MADD: variants seen among roughly 807,000 people sequenced by gnomAD.
MADD encodes the protein MAP kinase-activating death domain protein.
A neutral mutation model predicts 176.7 loss-of-function variants in MADD; 109 were observed. The ratio of observed to expected loss-of-function variants is 0.62; its 90% CI spans 0.53 to 0.72. The LOEUF (loss-of-function observed/expected upper bound fraction) is 0.72. MADD is among the 30% of genes least tolerant of loss of function. The probability of loss-of-function intolerance (pLI) is 0.00; values close to 1 mark genes in which losing one functional copy is unlikely to be tolerated. For missense variants in MADD, 1,914 were observed against 2,045.5 expected, an observed-to-expected ratio of 0.94 and a Z score of 1.24; for synonymous variants, 771 against 771.3, an observed-to-expected ratio of 1.00 and a Z score of 0.01.
intron 20 of MADD, 72 bp from the exon 23 acceptor site, chr11:47,295,424 A>T: frequency 8.1e-7 from 1 of 1,235,948 alleles, no homozygotes; most frequent in Non-Finnish European, 1.2e-6. Context: ...AGAAAGAAAA[A>T]GGTACAGTAT....
chr11:47,284,158 T>C lies in MADD; in HGVS notation c.1863-20T>C, dbSNP rs766704704. The C allele has an allele frequency of 3.2e-6, 5 of 1,560,880 alleles. No homozygotes were observed. The highest frequency in any genetic ancestry group is 4.4e-6 in the Non-Finnish European group (5 of 1,131,636). On this transcript the variant is annotated intron_variant, in intron 10 of 32. Coordinates refer to ENST00000402192, the Ensembl canonical transcript of MADD. ...TGCCCCTTTCTGTTTTGTTTGTTTT[T>C]TATGCACTTCACTCTGCAGTGGCAG...
intron 22 of MADD, among the ~76,000 whole-genome samples, chr11:47,300,453 C>CA (rs1237802886): frequency 1.3e-4 from 16 of 127,796 alleles, no homozygotes; most frequent in Admixed American, 1.1e-3. Flanking sequence ...GTGATCTACC[C>CA]CCCGCCCGCC....
At chr11:47,329,251 C>T (rs751263519) in exon 33 of MADD, 12 of 884,416 alleles carry the variant, frequency 1.4e-5, no homozygotes, top group African/African-American at 6.5e-5. Flanking sequence ...GGATGATGCT[C>T]GTGTGTCCTC....
chr11:47,309,517 C>T, exon 25 of MADD: 1 of 1,614,092 alleles, frequency 6.2e-7, no homozygotes, highest in Non-Finnish European at 8.5e-7. Flanking sequence ...GTACCTGTCC[C>T]TTGGAGAACA....
chr11:47,290,047 G>A (rs142722099), exon 17 of MADD: 31 of 1,614,044 alleles, frequency 1.9e-5, no homozygotes, highest in African/African-American at 1.3e-4. Context: ...ACATCATCCC[G>A]GATGTGGTCA....
At chr11:47,284,271 T>C in exon 11 of MADD, 1 of 1,613,906 alleles carries the variant, frequency 6.2e-7, no homozygotes, top group Non-Finnish European at 8.5e-7. Context: ...ACATTAATGG[T>C]GATACTCCCA....
intron 5 of MADD, 86 bp from the exon 6 acceptor site, chr11:47,278,079 A>T: frequency 1.1e-6 from 1 of 889,458 alleles, no homozygotes. Context: ...TTGTATCTGC[A>T]TTTCCTTATC....
At position 47,298,827 on chromosome 11, in the gene MADD, T is replaced by C. The variant is rs1170650903; in HGVS notation, c.3642+2772T>C. ...TAGTTTTGGGTCTTACAGTTAAGTC[T>C]TTAATCCATTTTGGGTTGATTTTTG... On this transcript the variant is annotated intron_variant, in intron 22 of 32. Transcript: ENST00000402192. 2.0e-5 allele frequency among the ~76,000 whole-genome samples: 3 copies of C among 152,366 alleles called. No homozygotes were observed. In the East Asian group the frequency reaches 5.8e-4, roughly 29 times the overall value.
intron 1 of MADD, among the ~76,000 whole-genome samples, chr11:47,273,223 C>A (rs2046418584): frequency 6.6e-6 from 1 of 152,188 alleles, no homozygotes; most frequent in Admixed American, 6.5e-5. Context: ...ATTTTTGTTA[C>A]AATGACTGAG....
At chr11:47,278,181 C>A in exon 6 of MADD, 1 of 1,613,904 alleles carries the variant, frequency 6.2e-7, no homozygotes, top group Non-Finnish European at 8.5e-7. Context: ...TTGGCTCCAA[C>A]CCCGTACATC....
At chr11:47,323,965 G>A (rs2094994973) in intron 28 of MADD, 130 bp downstream of exon 31, 4 of 1,057,202 alleles carry the variant, frequency 3.8e-6, no homozygotes, top group East Asian at 5.1e-5. Context: ...GTTGGGTGGA[G>A]TACCTAAAGC....
chr11:47,324,631 C>T (rs1193754007), intron 30 of MADD, 54 bp downstream of exon 33: 1 of 1,243,098 alleles, frequency 8.0e-7, no homozygotes, highest in East Asian at 2.4e-5. Flanking sequence ...TAAGAAGGAC[C>T]AATGTCCAAG....
At chr11:47,269,859 G>T (rs965571616), upstream of MADD, 1 of 152,140 alleles carries the variant, frequency 6.6e-6, no homozygotes, top group African/African-American at 2.4e-5. Flanking sequence ...CGAAACGGGC[G>T]CTATGACCCC....
chr11:47,285,560 G>A (rs763237132), exon 14 of MADD: 14 of 1,614,128 alleles, frequency 8.7e-6, no homozygotes, highest in Non-Finnish European at 1.1e-5. Flanking sequence ...CACCAGCACC[G>A]AGGGCTTCGG....
intron 27 of MADD, 152 bp downstream of exon 30, chr11:47,315,479 G>A (rs559962607): frequency 5.1e-5 from 27 of 526,600 alleles, no homozygotes; most frequent in Non-Finnish European, 8.2e-5. Flanking sequence ...TGTTTTTTGC[G>A]TGTGTGTTTT....
intron 16 of MADD, 70 bp downstream of exon 17, chr11:47,289,563 G>A (rs1468283998): frequency 7.8e-7 from 1 of 1,283,938 alleles, no homozygotes; most frequent in African/African-American, 1.5e-5. Context: ...AGAACTTTAG[G>A]GATGCTCAAG....
At chr11:47,285,159 C>T (rs993061528) in exon 13 of MADD, 12 of 1,614,102 alleles carry the variant, frequency 7.4e-6, no homozygotes, top group Non-Finnish European at 1.0e-5. Context: ...GGGAAAGTTA[C>T]ACTCCCCGAT....
chr11:47,285,614 T>C, intron 14 of MADD, 24 bp downstream of exon 14: 1 of 1,613,684 alleles, frequency 6.2e-7, no homozygotes, highest in Non-Finnish European at 8.5e-7. Context: ...GCTGTCTCTC[T>C]CACTCCTGTG....
intron 1 of MADD, among the ~76,000 whole-genome samples, chr11:47,271,728 C>CT (rs201072907): frequency 2.3e-3 from 342 of 145,652 alleles, no homozygotes; most frequent in Middle Eastern, 3.5e-3. Flanking sequence ...CTACATAATT[C>CT]TTTTTTTTTT....
Sources: allele counts gnomAD v4.1 joint callset (sites outside exome capture counted in the v4.1 genomes callset), GRCh38; gene constraint gnomAD v4.1.1; transcripts MANE v1.5; gene names NCBI Gene and HGNC (gene_info 2026-07-23, HGNC 2026-07-21).